The following FAM149B1 variants were observed in gnomAD, a reference collection of about 807,000 sequenced individuals.
FAM149B1 encodes primary cilium assembly protein FAM149B1.
Under a neutral mutation model 75.3 loss-of-function variants are expected in FAM149B1, and 56 were observed. The observed-to-expected ratio is 0.74, with a 90% CI of 0.60 to 0.93. FAM149B1 has a LOEUF of 0.93. FAM149B1 is among the 40% of genes least tolerant of loss of function. FAM149B1 has a pLI of 0.00. For missense variants in FAM149B1, 639 were observed against 708.4 expected (o/e 0.90, Z 1.11); for synonymous variants, 259 against 256.1 (o/e 1.01, Z -0.11).
In FAM149B1 at chr10:73,234,862, G is replaced by A. The variant is rs61742710; in HGVS notation, c.1398G>A (p.Leu466=). 2.0e-5 allele frequency: 31 copies of A among 1,551,616 alleles called. No individual in the cohort carries two copies. In the African/African-American group the frequency reaches 3.6e-4, roughly 18 times the overall value. Residue 466 remains leucine (L), a synonymous_variant, in exon 11 of 14, where the codon CTG becomes CTA. Coordinates refer to ENST00000242505, the MANE Select transcript of FAM149B1 (RefSeq NM_173348.2). The part of the protein sequence containing the change: ...DSLSSPSPTP[L]SRNNLLPPIG... ...TCTCCTCTCCCTCACCGACGCCCCT[G>A]AGTCGAAATAATCTGCTACCACCTA...
At position 73,208,686 on chromosome 10, in the gene FAM149B1, A is replaced by G. The variant is rs866802292; in HGVS notation, c.610A>G (p.Lys204Glu). ...SYAHKASSIA[K>E]SSSFCSMERD... ...TGCTCATAAAGCATCTTCCATTGCC[A>G]AATCCTCCAGCTTTTGTTCTATGGA... The change falls in exon 6 of 14, where the codon AAA (lysine) becomes GAA (glutamate). Residue 204 changes from lysine to glutamate, a missense_variant. Coordinates refer to ENST00000242505, the MANE Select transcript of FAM149B1 (RefSeq NM_173348.2). The G allele has an allele frequency of 1.9e-6, 3 of 1,549,098 alleles. No individual in the cohort carries two copies. The highest frequency in any genetic ancestry group is 2.4e-5 in the South Asian group (2 of 83,688).
intron 3 of FAM149B1, among the ~76,000 whole-genome samples, chr10:73,187,228 T>A (rs1292124042): frequency 6.6e-6 from 1 of 151,778 alleles, no homozygotes; most frequent in African/African-American, 2.4e-5. Flanking sequence ...TGAAGAAAAT[T>A]CCTTGTTCAT....
rs143873386 is a variant in FAM149B1, at chr10:73,242,961, C to T, written c.*1942C>T. ...GAGGATCTATTCAAGATCATTAAGA[C>T]CAAATGTAAACTGGGAAGTATGTGG... On this transcript the variant is annotated 3_prime_UTR_variant, in exon 14 of 14. Transcript: ENST00000242505. 8.5e-5 allele frequency: 14 copies of T among 164,524 alleles called. No homozygotes were observed. Among genetic ancestry groups the T allele is most frequent in the African/African-American group, 1.4e-4 (6 of 41,642 alleles). 10.2% of individuals were successfully genotyped at this position (164,524 alleles called of 1,614,324 possible). A position where few individuals can be genotyped will look rare whatever the true frequency, so the allele number is the denominator to read the frequency against.
chr10:73,175,910 A>G (rs1027242086), intron 2 of FAM149B1, among the ~76,000 whole-genome samples: 2 of 152,276 alleles, frequency 1.3e-5, no homozygotes, highest in African/African-American at 2.4e-5. Context: ...TTTTGGCACC[A>G]GGGACCAGTT....
intron 7 of FAM149B1, among the ~76,000 whole-genome samples, chr10:73,215,116 G>A (rs1016189713): frequency 2.6e-5 from 4 of 152,028 alleles, no homozygotes; most frequent in African/African-American, 9.7e-5. Context: ...TGCCTCCCAG[G>A]TTCAAGCCAT....
rs1226243909 is a variant in FAM149B1 at position 73,208,751 on chromosome 10, A to G, written c.675A>G (p.Ile225Met). Residue 225 changes from isoleucine (I) to methionine (M), a missense_variant, in exon 6 of 14, where the codon ATA becomes ATG. Coordinates refer to ENST00000242505, the MANE Select transcript of FAM149B1 (RefSeq NM_173348.2). ...EEDSIIVSEG[I>M]IEEYLAFDHI... is the part of the protein sequence containing the mutation. ...ACTCTATAATCGTCTCAGAAGGAAT[A>G]ATTGAGGAATACCTAGCATTCGATC... 2 of 1,534,794 alleles carry G rather than the reference A, an allele frequency of 1.3e-6. No individual in the cohort carries two copies. The highest frequency in any genetic ancestry group is 2.8e-5 in the African/African-American group (2 of 72,692).
intron 3 of FAM149B1, among the ~76,000 whole-genome samples, chr10:73,180,632 C>T (rs1342476518): frequency 6.6e-6 from 1 of 152,146 alleles, no homozygotes; most frequent in African/African-American, 2.4e-5. Context: ...AGCCATCTTA[C>T]TTTTGACCTT....
chr10:73,169,893 A>T (rs1843633313), intron 1 of FAM149B1, among the ~76,000 whole-genome samples: 1 of 146,712 alleles, frequency 6.8e-6, no homozygotes, highest in Non-Finnish European at 1.5e-5. Context: ...TTGGGCTTTA[A>T]CCCCAAATTC....
At chr10:73,215,531 C>T (rs1329613713) in intron 7 of FAM149B1, among the ~76,000 whole-genome samples, 1 of 152,132 alleles carries the variant, frequency 6.6e-6, no homozygotes, top group Non-Finnish European at 1.5e-5. Context: ...CATCTTTCTA[C>T]TTTTTTGATA....
chr10:73,222,974 C>T (rs1429943149), intron 7 of FAM149B1, among the ~76,000 whole-genome samples: 3 of 151,972 alleles, frequency 2.0e-5, no homozygotes, highest in African/African-American at 7.3e-5. Context: ...AAATAATTAG[C>T]CAGGGCGTGG....
intron 12 of FAM149B1, among the ~76,000 whole-genome samples, chr10:73,237,073 A>G (rs953417664): frequency 6.6e-6 from 1 of 152,014 alleles, no homozygotes; most frequent in African/African-American, 2.4e-5. Flanking sequence ...CCCTCTTCTT[A>G]TAAGATACCA....
chr10:73,215,899 C>T (rs1054649136), intron 7 of FAM149B1, among the ~76,000 whole-genome samples: 4 of 152,096 alleles, frequency 2.6e-5, no homozygotes, highest in Admixed American at 6.5e-5. Context: ...TTGAGTAGAC[C>T]GTTCTGTAAA....
chr10:73,234,042 G>A (rs773619008), intron 10 of FAM149B1: 12 of 152,122 alleles, frequency 7.9e-5, no homozygotes, highest in Non-Finnish European at 1.6e-4. Context: ...ATACCTAGGA[G>A]CCAATTTTAA....
chr10:73,232,059 A>C (rs2043717321), intron 9 of FAM149B1, among the ~76,000 whole-genome samples: 1 of 152,158 alleles, frequency 6.6e-6, no homozygotes, highest in African/African-American at 2.4e-5. Context: ...TTTGCACTAG[A>C]GGACACCAAA....
At chr10:73,227,468 A>G (rs1165799471) in intron 7 of FAM149B1, among the ~76,000 whole-genome samples, 1 of 152,126 alleles carries the variant, frequency 6.6e-6, no homozygotes, top group African/African-American at 2.4e-5. Flanking sequence ...TGTCAATTCC[A>G]ATTTCTGAAG....
intron 5 of FAM149B1, among the ~76,000 whole-genome samples, chr10:73,204,260 G>C (rs560000288): frequency 1.3e-5 from 2 of 152,230 alleles, no homozygotes; most frequent in African/African-American, 4.8e-5. Context: ...AGGTAGCTGG[G>C]ATTACAGGCA....
rs2043929565 is a variant in FAM149B1, at chr10:73,240,705, C to T, written c.1676-241C>T. Among the ~76,000 whole-genome samples the T allele has an allele frequency of 2.7e-5, 4 of 149,250 alleles. No homozygotes were observed. In the South Asian group the frequency reaches 6.3e-4, roughly 24 times the overall value. On this transcript the variant is annotated intron_variant, in intron 13 of 13. Coordinates refer to ENST00000242505, the MANE Select transcript of FAM149B1 (RefSeq NM_173348.2). ...TCCAGCCTGGGGGGACAGAGTGAGACTCCACCTCCAAAAAAAAAAAAAAAC... is the reference window on the plus strand; with the variant it reads ...TCCAGCCTGGGGGGACAGAGTGAGATTCCACCTCCAAAAAAAAAAAAAAAC...
rs185519523 is a variant in FAM149B1 at position 73,225,886 on chromosome 10, T to C, written c.899-2174T>C. 6.6e-5 allele frequency among the ~76,000 whole-genome samples: 10 copies of C among 152,284 alleles called. No homozygotes were observed. The East Asian group carries it at 1.9e-3, about 29-fold the overall frequency. Reference sequence around the variant, plus strand: ...ATTGTGTTATAGTTGCCCCCAGTATTCAGTACAGTAACATGCTGTACAGGC... The same window carrying C: ...ATTGTGTTATAGTTGCCCCCAGTATCCAGTACAGTAACATGCTGTACAGGC... On this transcript the variant is annotated intron_variant, in intron 7 of 13. Coordinates refer to ENST00000242505, the MANE Select transcript of FAM149B1 (RefSeq NM_173348.2).
At chr10:73,170,917 A>C (rs952105059) in intron 1 of FAM149B1, among the ~76,000 whole-genome samples, 1 of 152,106 alleles carries the variant, frequency 6.6e-6, no homozygotes, top group African/African-American at 2.4e-5. Context: ...AAAAAATGAT[A>C]GGCACTTGTT....
Sources: gnomAD v4.1 joint callset for allele counts (sites outside exome capture counted in the v4.1 genomes callset) on GRCh38, gnomAD v4.1.1 for gene constraint, MANE v1.5 for transcripts, NCBI Gene and HGNC (gene_info 2026-07-23, HGNC 2026-07-21) for gene names.